CENPP: variants seen among roughly 807,000 people sequenced by gnomAD.
CENPP encodes the protein centromere protein P.
Under a neutral mutation model 35.6 loss-of-function variants are expected in CENPP, and 24 were observed. That is an observed-to-expected ratio of 0.67 (90% CI 0.49 to 0.95). The LOEUF (loss-of-function observed/expected upper bound fraction) is 0.95, where lower values mean the gene tolerates loss of function less well. Ranked by LOEUF, CENPP falls within the 40% of genes least tolerant of loss-of-function variation. The pLI is 0.00. For synonymous variants in CENPP, 120 were observed against 125.5 expected (o/e 0.96, Z 0.29); for missense variants, 332 against 345.3 (o/e 0.96, Z 0.31).
intron 4 of CENPP, among the ~76,000 whole-genome samples, chr9:92,356,890 G>A (rs1328322118): frequency 6.6e-6 from 1 of 152,164 alleles, no homozygotes; most frequent in Non-Finnish European, 1.5e-5. Context: ...TCCGTTCGGG[G>A]TCCCTGACTT....
At chr9:92,501,453 G>A (rs552671191) in intron 5 of CENPP, among the ~76,000 whole-genome samples, 1 of 152,318 alleles carries the variant, frequency 6.6e-6, no homozygotes, top group South Asian at 2.1e-4. Flanking sequence ...TTCCAGCAAG[G>A]AAGTTTGGTT....
chr9:92,564,465 A>G (rs1409427260), intron 5 of CENPP, among the ~76,000 whole-genome samples: 1 of 152,178 alleles, frequency 6.6e-6, no homozygotes, highest in East Asian at 1.9e-4. Flanking sequence ...GGGGGAATTC[A>G]AGATATCATT....
chr9:92,588,827 C>T (rs928319132), intron 5 of CENPP, among the ~76,000 whole-genome samples: 1 of 152,006 alleles, frequency 6.6e-6, no homozygotes, highest in Non-Finnish European at 1.5e-5. Context: ...ATATTGGGCC[C>T]CAGAGTTAGG....
At chr9:92,395,626 C>T (rs922495455) in intron 5 of CENPP, among the ~76,000 whole-genome samples, 1 of 152,148 alleles carries the variant, frequency 6.6e-6, no homozygotes, top group Admixed American at 6.5e-5. Context: ...TACATTCCTA[C>T]CAGCAGCATA....
At chr9:92,544,646 T>C (rs778983144) in intron 5 of CENPP, among the ~76,000 whole-genome samples, 18 of 151,300 alleles carry the variant, frequency 1.2e-4, no homozygotes, top group Non-Finnish European at 2.5e-4. Flanking sequence ...GCAAGACTGA[T>C]GCATGAAAAA....
At chr9:92,576,855 G>A (rs1344397243) in intron 5 of CENPP, among the ~76,000 whole-genome samples, 3 of 152,122 alleles carry the variant, frequency 2.0e-5, no homozygotes, top group Non-Finnish European at 2.9e-5. Flanking sequence ...GGTAAAGACA[G>A]ACAACTCAGT....
At chr9:92,561,639 A>G (rs1344809638) in intron 5 of CENPP, among the ~76,000 whole-genome samples, 1 of 152,262 alleles carries the variant, frequency 6.6e-6, no homozygotes, top group Non-Finnish European at 1.5e-5. Flanking sequence ...ATAAGGGTGT[A>G]CATTCAAAGC....
At chr9:92,541,364 G>A (rs1849313616) in intron 5 of CENPP, among the ~76,000 whole-genome samples, 1 of 151,490 alleles carries the variant, frequency 6.6e-6, no homozygotes, top group African/African-American at 2.4e-5. Flanking sequence ...CCCATCACTA[G>A]CCTCTGGTAA....
chr9:92,459,586 T>G lies in CENPP; in HGVS notation c.564+79727T>G, dbSNP rs180724191. ...GTGTGCTAAAGTGTGTTATAAAAAC[T>G]GAAGAAAAATACCAATATCTACTGA... On this transcript the variant is annotated intron_variant, in intron 5 of 7. Coordinates refer to ENST00000375587, the MANE Select transcript of CENPP (RefSeq NM_001012267.3). The G allele has an allele frequency of 3.8e-6, 6 of 1,589,714 alleles. No homozygotes were observed. The East Asian group carries it at 1.3e-4, about 36-fold the overall frequency.
intron 4 of CENPP, among the ~76,000 whole-genome samples, chr9:92,371,597 G>A (rs1212645694): frequency 2.0e-5 from 3 of 152,116 alleles, no homozygotes; most frequent in South Asian, 4.1e-4. Context: ...TTGTTGGATA[G>A]CATGTTCTGT....
intron 5 of CENPP, among the ~76,000 whole-genome samples, chr9:92,479,740 A>T (rs1845845540): frequency 6.6e-6 from 1 of 152,184 alleles, no homozygotes; most frequent in African/African-American, 2.4e-5. Flanking sequence ...GCATTTGTGT[A>T]TCCTGGTTGC....
At chr9:92,438,807 A>T (rs1450649433) in intron 5 of CENPP, among the ~76,000 whole-genome samples, 1 of 152,112 alleles carries the variant, frequency 6.6e-6, no homozygotes, top group Non-Finnish European at 1.5e-5. Context: ...ACAAAAATTA[A>T]CCAGGCATGG....
intron 5 of CENPP, chr9:92,417,054 G>T: frequency 6.2e-7 from 1 of 1,614,002 alleles, no homozygotes; most frequent in Middle Eastern, 1.7e-4. Flanking sequence ...TTGTAACCAA[G>T]AAGGAGTCTT....
At chr9:92,432,306 C>A (rs754973165) in intron 5 of CENPP, among the ~76,000 whole-genome samples, 7 of 149,678 alleles carry the variant, frequency 4.7e-5, no homozygotes, top group African/African-American at 4.9e-5. Context: ...GCCTGGGCGA[C>A]AAGAGCGAAA....
intron 4 of CENPP, among the ~76,000 whole-genome samples, chr9:92,373,604 G>T (rs553394478): frequency 6.6e-4 from 101 of 152,228 alleles, no homozygotes; most frequent in Non-Finnish European, 1.2e-3. Flanking sequence ...GAGGTGGGCG[G>T]ATCATGAGGT....
At position 92,379,764 on chromosome 9, in the gene CENPP, G is replaced by T; in HGVS notation, c.469G>T (p.Ala157Ser). ...CSELSEFVSR[A>S]EERKDLFMFF... ...TCAGAGAATCATTTATTCCTACAGA[G>T]CAGAAGAGAGAAAAGATCTGTTCAT... Residue 157 changes from alanine (A) to serine (S), a missense_variant and splice_region_variant, in exon 5 of 8, where the codon GCA (alanine) becomes TCA (serine). Coordinates refer to ENST00000375587, the MANE Select transcript of CENPP (RefSeq NM_001012267.3). The T allele has an allele frequency of 6.3e-7, 1 of 1,599,882 alleles. No individual in the cohort carries two copies. Among genetic ancestry groups the T allele is most frequent in the Non-Finnish European group, 8.6e-7 (1 of 1,167,206 alleles).
At chr9:92,392,359 C>T (rs1029696958) in intron 5 of CENPP, among the ~76,000 whole-genome samples, 5 of 152,148 alleles carry the variant, frequency 3.3e-5, no homozygotes, top group Non-Finnish European at 7.4e-5. Context: ...CATGGTGGCT[C>T]ACGCCTGTAT....
At chr9:92,502,804 CTTTTTTTT>C in intron 5 of CENPP, 23 of 296,364 alleles carry the variant, frequency 7.8e-5, no homozygotes, top group African/African-American at 1.3e-4. Flanking sequence ...TTTAAGTTGT[CTTTTTTTT>C]TTTTTTTTTT....
intron 4 of CENPP, among the ~76,000 whole-genome samples, chr9:92,348,770 G>A (rs1349532701): frequency 6.6e-6 from 1 of 152,088 alleles, no homozygotes; most frequent in Non-Finnish European, 1.5e-5. Context: ...TCTTAATTTT[G>A]CCTTCATTTT....
Sources: allele counts gnomAD v4.1 joint callset (sites outside exome capture counted in the v4.1 genomes callset), GRCh38; gene constraint gnomAD v4.1.1; transcripts MANE v1.5; gene names NCBI Gene and HGNC (gene_info 2026-07-23, HGNC 2026-07-21).